Variants in RABGAP1L observed in about 807,000 individuals in gnomAD.
RABGAP1L encodes rab GTPase-activating protein 1-like.
A neutral mutation model predicts 137.7 loss-of-function variants in RABGAP1L; 63 were observed. The observed-to-expected ratio is 0.46, with a 90% confidence interval of 0.37 to 0.56. The LOEUF is 0.56. RABGAP1L is among the 20% of genes least tolerant of loss of function. The probability of loss-of-function intolerance (pLI) is 0.00; values close to 1 mark genes in which losing one functional copy is unlikely to be tolerated. For synonymous variants in RABGAP1L, 431 were observed against 433.7 expected (o/e 0.99, Z 0.08); for missense variants, 1,095 against 1,244.0 (o/e 0.88, Z 1.80).
intron 21 of RABGAP1L, among the ~76,000 whole-genome samples, chr1:174,975,681 A>G (rs1315817202): frequency 1.3e-5 from 2 of 151,170 alleles, no homozygotes; most frequent in East Asian, 2.0e-4. Flanking sequence ...CCTTCATCAG[A>G]TCCATCTACA....
chr1:174,508,483 G>T (rs934356001), intron 13 of RABGAP1L, among the ~76,000 whole-genome samples: 1 of 151,930 alleles, frequency 6.6e-6, no homozygotes, highest in African/African-American at 2.4e-5. Context: ...GTTCTTTTTG[G>T]AAGACTGTTG....
chr1:174,885,933 C>T (rs774506560), intron 19 of RABGAP1L, among the ~76,000 whole-genome samples: 1 of 151,718 alleles, frequency 6.6e-6, no homozygotes, highest in Non-Finnish European at 1.5e-5. Flanking sequence ...CACCACTGCA[C>T]TCCAGCCTGG....
At chr1:174,740,595 C>T (rs1683309548) in intron 17 of RABGAP1L, among the ~76,000 whole-genome samples, 2 of 152,060 alleles carry the variant, frequency 1.3e-5, no homozygotes, top group Non-Finnish European at 2.9e-5. Flanking sequence ...AGTCGATTCC[C>T]AGTAGTGGCA....
At chr1:174,681,263 T>C (rs556549922) in intron 14 of RABGAP1L, among the ~76,000 whole-genome samples, 1 of 152,354 alleles carries the variant, frequency 6.6e-6, no homozygotes, top group South Asian at 2.1e-4. Context: ...ACGCTGTGTA[T>C]ATATTTACAG....
intron 19 of RABGAP1L, among the ~76,000 whole-genome samples, chr1:174,871,420 C>G (rs1393836316): frequency 1.3e-5 from 2 of 152,206 alleles, no homozygotes; most frequent in African/African-American, 2.4e-5. Context: ...GCATGAGCCA[C>G]CACACCTGGC....
intron 13 of RABGAP1L, among the ~76,000 whole-genome samples, chr1:174,479,387 T>C (rs555348301): frequency 2.0e-5 from 3 of 152,318 alleles, no homozygotes; most frequent in Admixed American, 2.0e-4. Flanking sequence ...ATTTACACGC[T>C]TGGGCTCCAC....
At chr1:174,232,695 A>C (rs1393901360) in intron 4 of RABGAP1L, among the ~76,000 whole-genome samples, 1 of 151,420 alleles carries the variant, frequency 6.6e-6, no homozygotes, top group African/African-American at 2.4e-5. Context: ...AGGCAGGAGA[A>C]TGGTGTGAAC....
At chr1:174,754,355 A>G (rs1392502549) in intron 18 of RABGAP1L, among the ~76,000 whole-genome samples, 1 of 152,228 alleles carries the variant, frequency 6.6e-6, no homozygotes, top group Non-Finnish European at 1.5e-5. Flanking sequence ...GAAAAAAAGA[A>G]TACGCAAACA....
At chr1:174,687,373 T>G (rs1678555626) in intron 15 of RABGAP1L, among the ~76,000 whole-genome samples, 1 of 152,202 alleles carries the variant, frequency 6.6e-6, no homozygotes, top group Non-Finnish European at 1.5e-5. Context: ...TTTATAAAAA[T>G]AACTTGAAAT....
chr1:174,869,789 C>T (rs1232476769), intron 19 of RABGAP1L, among the ~76,000 whole-genome samples: 1 of 151,862 alleles, frequency 6.6e-6, no homozygotes, highest in Admixed American at 6.6e-5. Context: ...GATTAGTGCC[C>T]TTATAAAAAA....
intron 13 of RABGAP1L, among the ~76,000 whole-genome samples, chr1:174,438,744 GTATATA>G (rs71117563): frequency 0.017 from 1,645 of 95,438 alleles, 88 homozygotes; most frequent in African/African-American, 0.074. Flanking sequence ...GTGTGTGTGT[GTATATA>G]TATATATATA....
At position 174,994,242 on chromosome 1, in the gene RABGAP1L, T is replaced by C. The variant is rs964787972; in HGVS notation, c.*4241T>C. ...GACTTCAACCTTGGCTGCACCTCAA[T>C]AGGAGATGCTGATCTTGAGTTGTAA... On this transcript the variant is annotated 3_prime_UTR_variant, in exon 26 of 26. Transcript: ENST00000681986. The C allele has an allele frequency of 1.3e-5, 2 of 151,164 alleles. No individual in the cohort carries two copies. The highest frequency in any genetic ancestry group is 1.3e-4 in the Admixed American group (2 of 15,268). The allele number at this position is 151,164 out of a possible 1,614,324, so 9.4% of individuals were successfully genotyped here.
At chr1:174,685,549 G>A (rs1678396303) in intron 15 of RABGAP1L, among the ~76,000 whole-genome samples, 1 of 90,380 alleles carries the variant, frequency 1.1e-5, no homozygotes, top group Non-Finnish European at 2.1e-5. Flanking sequence ...CACCGCGCCG[G>A]CCTTTATTTA....
intron 19 of RABGAP1L, among the ~76,000 whole-genome samples, chr1:174,947,432 G>A (rs1025899081): frequency 4.0e-5 from 6 of 150,750 alleles, no homozygotes; most frequent in Admixed American, 3.3e-4. Context: ...TCGTTTTTTT[G>A]TTGAGATGGA....
intron 13 of RABGAP1L, among the ~76,000 whole-genome samples, chr1:174,486,098 C>G (rs189395337): frequency 6.6e-6 from 1 of 151,912 alleles, no homozygotes; most frequent in African/African-American, 2.4e-5. Context: ...ACATTTCTTC[C>G]AGATTTCCTA....
At chr1:174,766,250 C>T (rs1429439452) in intron 18 of RABGAP1L, among the ~76,000 whole-genome samples, 1 of 152,184 alleles carries the variant, frequency 6.6e-6, no homozygotes, top group Non-Finnish European at 1.5e-5. Context: ...TTAAGCCACC[C>T]AGTCTGATTC....
chr1:174,898,044 T>C (rs1657534533), intron 19 of RABGAP1L: 1 of 148,126 alleles, frequency 6.8e-6, no homozygotes, highest in South Asian at 2.1e-4. Context: ...CTGACTTCAA[T>C]GAGGAGATTT....
At chr1:174,265,909 A>G (rs1436723683) in intron 7 of RABGAP1L, among the ~76,000 whole-genome samples, 1 of 151,874 alleles carries the variant, frequency 6.6e-6, no homozygotes, top group African/African-American at 2.4e-5. Context: ...TATTTAGGTT[A>G]TTTTTTTCTT....
chr1:174,162,945 AG>A (rs963331334), intron 1 of RABGAP1L, among the ~76,000 whole-genome samples: 7 of 62,514 alleles, frequency 1.1e-4, no homozygotes, highest in Non-Finnish European at 2.0e-4. Flanking sequence ...TGTGGTGGGG[AG>A]GGGGGAGGGG....
Sources: allele counts gnomAD v4.1 joint callset (sites outside exome capture counted in the v4.1 genomes callset), GRCh38; gene constraint gnomAD v4.1.1; transcripts MANE v1.5; gene names NCBI Gene and HGNC (gene_info 2026-07-23, HGNC 2026-07-21).